MACROD2: variants seen among roughly 807,000 people sequenced by gnomAD.
MACROD2 encodes ADP-ribose glycohydrolase MACROD2.
In MACROD2, 36 loss-of-function variants were observed where a neutral mutation model predicts 70.4. That is an observed-to-expected ratio of 0.51 (90% CI 0.39 to 0.68). The LOEUF (loss-of-function observed/expected upper bound fraction) is 0.68. Among genes scored for constraint, MACROD2 ranks in the 30% least tolerant of loss-of-function variants. The pLI, the probability that MACROD2 is intolerant of heterozygous loss-of-function variation, is 0.00. For synonymous variants in MACROD2, 172 were observed against 178.8 expected (o/e 0.96, Z 0.30); for missense variants, 496 against 538.4 (o/e 0.92, Z 0.78).
At chr20:15,013,148 G>A (rs2075096059) in intron 5 of MACROD2, among the ~76,000 whole-genome samples, 1 of 152,088 alleles carries the variant, frequency 6.6e-6, no homozygotes, top group Admixed American at 6.5e-5. Context: ...TCCCAGGCCT[G>A]GCCAGTGAGA....
chr20:15,555,840 AAAAAAAAAAAAAAAGG>A (rs2048160561), intron 8 of MACROD2, among the ~76,000 whole-genome samples: 1 of 148,488 alleles, frequency 6.7e-6, no homozygotes, highest in African/African-American at 2.5e-5. Context: ...AAAAAAAAAA[AAAAAAAAAAAAAAAGG>A]AAAAGAAAAG....
At chr20:15,099,126 G>A (rs538025337) in intron 5 of MACROD2, among the ~76,000 whole-genome samples, 1 of 152,254 alleles carries the variant, frequency 6.6e-6, no homozygotes, top group Admixed American at 6.5e-5. Flanking sequence ...GAAAATTTCA[G>A]TTTAGTGCTT....
chr20:15,978,536 G>C lies in MACROD2; in HGVS notation c.986-8191G>C, dbSNP rs149947327. On this transcript the variant is annotated intron_variant, in intron 13 of 17. Transcript: ENST00000684519. ...GTTCAGGGCTGCCTCCGCTGACTGT[G>C]GTGGAGCAGCCCAGCAGGCTAATAA... is the stretch of plus-strand genomic sequence containing the variant. 5.7e-4 allele frequency among the ~76,000 whole-genome samples: 87 copies of C among 152,106 alleles called. No individual in the cohort carries two copies. In the East Asian group the frequency reaches 9.9e-3, roughly 17 times the overall value.
chr20:15,327,920 A>C (rs1305493926), intron 6 of MACROD2, among the ~76,000 whole-genome samples: 1 of 152,150 alleles, frequency 6.6e-6, no homozygotes, highest in Non-Finnish European at 1.5e-5. Context: ...GACACATATC[A>C]GTTAATGAAA....
At chr20:15,504,431 G>C (rs929123249) in intron 8 of MACROD2, among the ~76,000 whole-genome samples, 1 of 152,082 alleles carries the variant, frequency 6.6e-6, no homozygotes, top group African/African-American at 2.4e-5. Context: ...AAATGACTTA[G>C]AACTGAAAAA....
At chr20:14,658,282 C>T (rs1009645520) in intron 4 of MACROD2, among the ~76,000 whole-genome samples, 1 of 152,136 alleles carries the variant, frequency 6.6e-6, no homozygotes, top group Non-Finnish European at 1.5e-5. Context: ...TTGGAAAAAT[C>T]AGGTTTAGCC....
chr20:15,695,049 G>T (rs1251313870), intron 8 of MACROD2, among the ~76,000 whole-genome samples: 2 of 152,044 alleles, frequency 1.3e-5, no homozygotes, highest in African/African-American at 4.8e-5. Context: ...TTTATTTATG[G>T]GTTCTCTATT....
In MACROD2 at chr20:14,606,117, TACTG is replaced by T. The variant is rs1982784680; in HGVS notation, c.302-78724_302-78721del. ...TATTTATAAGCATGGCATGGAATAA[TACTG>T]AGATGTTTCCTACATTTGAAAAAAA... On this transcript the variant is annotated intron_variant, in intron 4 of 17. Coordinates refer to ENST00000684519, the MANE Select transcript of MACROD2 (RefSeq NM_001351661.2). 2.0e-5 allele frequency among the ~76,000 whole-genome samples: 3 copies of T among 152,290 alleles called. No individual in the cohort carries two copies. The South Asian group carries it at 6.2e-4, about 32-fold the overall frequency.
chr20:15,273,720 A>G (rs192260043), intron 6 of MACROD2, among the ~76,000 whole-genome samples: 31 of 152,252 alleles, frequency 2.0e-4, no homozygotes, highest in African/African-American at 7.2e-4. Context: ...GGCTCTGGCA[A>G]TTTGGGTGCT....
chr20:14,340,408 G>A (rs886421714), intron 3 of MACROD2, among the ~76,000 whole-genome samples: 3 of 152,114 alleles, frequency 2.0e-5, no homozygotes, highest in Admixed American at 1.3e-4. Flanking sequence ...TATTTAAGAT[G>A]GGGGACATCC....
At chr20:15,257,567 C>A (rs1003064141) in intron 6 of MACROD2, among the ~76,000 whole-genome samples, 1 of 151,960 alleles carries the variant, frequency 6.6e-6, no homozygotes, top group African/African-American at 2.4e-5. Context: ...TATTGATGGT[C>A]CCATGGGATC....
At chr20:14,058,646 C>CTTTTTCT (rs2053658277) in intron 2 of MACROD2, among the ~76,000 whole-genome samples, 1 of 133,176 alleles carries the variant, frequency 7.5e-6, no homozygotes. Flanking sequence ...TTCCTTTTAC[C>CTTTTTCT]TTTTTTTTTT....
At chr20:14,337,491 G>A (rs535971812) in intron 3 of MACROD2, 14 of 398,202 alleles carry the variant, frequency 3.5e-5, no homozygotes, top group Non-Finnish European at 4.9e-5. Flanking sequence ...GCCCTCCCCC[G>A]TCTCCCAAGC....
chr20:15,576,020 A>T (rs1044844306), intron 8 of MACROD2, among the ~76,000 whole-genome samples: 1 of 152,198 alleles, frequency 6.6e-6, no homozygotes, highest in African/African-American at 2.4e-5. Flanking sequence ...CAACTTATTG[A>T]TTCAAACAAA....
chr20:14,820,376 T>TTTTG (rs1188842368), intron 5 of MACROD2, among the ~76,000 whole-genome samples: 2 of 115,880 alleles, frequency 1.7e-5, no homozygotes, highest in African/African-American at 6.0e-5. Flanking sequence ...TTTTTTTTTT[T>TTTTG]GTTTTCTCTG....
chr20:14,128,269 C>G, intron 3 of MACROD2: 1 of 225,812 alleles, frequency 4.4e-6, no homozygotes, highest in Middle Eastern at 8.3e-4. Context: ...TACAAAGGAG[C>G]TCCCTTTGAG....
chr20:14,038,060 C>T (rs1008878326), intron 2 of MACROD2, among the ~76,000 whole-genome samples: 2 of 152,046 alleles, frequency 1.3e-5, no homozygotes, highest in African/African-American at 4.8e-5. Flanking sequence ...TTTGGGAGGC[C>T]GAGGCAGTGG....
At chr20:15,894,224 A>G (rs2064935402) in intron 10 of MACROD2, among the ~76,000 whole-genome samples, 1 of 152,190 alleles carries the variant, frequency 6.6e-6, no homozygotes, top group Non-Finnish European at 1.5e-5. Context: ...GTGCTAAGTA[A>G]TGACGCTGCT....
At chr20:14,307,422 A>G (rs965144671) in intron 3 of MACROD2, among the ~76,000 whole-genome samples, 5 of 152,132 alleles carry the variant, frequency 3.3e-5, no homozygotes, top group African/African-American at 1.2e-4. Flanking sequence ...GGAGGATGTT[A>G]TGGACTTCAT....
Sources: allele counts gnomAD v4.1 joint callset (sites outside exome capture counted in the v4.1 genomes callset), GRCh38; gene constraint gnomAD v4.1.1; transcripts MANE v1.5; gene names NCBI Gene and HGNC (gene_info 2026-07-23, HGNC 2026-07-21).